The following UNC13C variants were observed in gnomAD, a reference collection of about 807,000 sequenced individuals.
UNC13C encodes unc-13 homolog C.
In UNC13C, 174 loss-of-function variants were observed where a neutral mutation model predicts 245.4. The ratio of observed to expected loss-of-function variants is 0.71; its 90% CI spans 0.63 to 0.80. UNC13C has a LOEUF of 0.80. Ranked by LOEUF, UNC13C falls within the 30% of genes least tolerant of loss-of-function variation. The pLI is 0.00. For synonymous variants in UNC13C, 992 were observed against 895.1 expected (o/e 1.11, Z -1.93); for missense variants, 2,829 against 2,602.9 (o/e 1.09, Z -1.89).
intron 19 of UNC13C, among the ~76,000 whole-genome samples, chr15:54,462,366 C>A (rs1891894281): frequency 6.6e-6 from 1 of 152,224 alleles, no homozygotes; most frequent in Non-Finnish European, 1.5e-5. Context: ...GCTTGAGGAG[C>A]CCTTCAGCCC....
downstream of UNC13C, chr15:54,632,250 G>T (rs1037632968): frequency 2.0e-5 from 3 of 152,130 alleles, no homozygotes; most frequent in African/African-American, 7.2e-5. Flanking sequence ...GATATGAAAT[G>T]TGCAACTATT....
chr15:54,271,304 A>C (rs1373234612), intron 10 of UNC13C, among the ~76,000 whole-genome samples: 2 of 152,208 alleles, frequency 1.3e-5, no homozygotes, highest in Non-Finnish European at 2.9e-5. Context: ...AAAATGATAA[A>C]GTGTCATATA....
Position 54,609,383 on chromosome 15 carries a change from A to G in UNC13C, c.6107-12944A>G, listed in dbSNP as rs569222740. 7 of 152,316 alleles carry G rather than the reference A, an allele frequency of 4.6e-5. No homozygotes were observed. In the East Asian group the frequency reaches 7.7e-4, roughly 17 times the overall value. 9.4% of individuals were successfully genotyped at this position (152,316 alleles called of 1,614,324 possible). ...TGCTCACAAATTCAGCAATTTGTTC[A>G]TGATAGCTGCTTGGCGGGGTGGATA... is the stretch of plus-strand genomic sequence containing the variant. On this transcript the variant is annotated intron_variant, in intron 30 of 32. Coordinates refer to ENST00000260323, the MANE Select transcript of UNC13C (RefSeq NM_001080534.3).
chr15:54,171,319 A>G (rs1189140404), intron 4 of UNC13C, among the ~76,000 whole-genome samples: 1 of 152,150 alleles, frequency 6.6e-6, no homozygotes, highest in Non-Finnish European at 1.5e-5. Context: ...GAGACAATCC[A>G]CAGAATGGGA....
chr15:54,080,134 A>G (rs1043040298), intron 2 of UNC13C, among the ~76,000 whole-genome samples: 2 of 151,786 alleles, frequency 1.3e-5, no homozygotes, highest in African/African-American at 4.8e-5. Context: ...ATTGATTTAC[A>G]TATGTTGAAT....
chr15:54,570,622 C>T (rs1244304605), intron 30 of UNC13C, among the ~76,000 whole-genome samples: 4 of 152,108 alleles, frequency 2.6e-5, no homozygotes, highest in Non-Finnish European at 5.9e-5. Context: ...CTATCACAAT[C>T]CCATCTCAAT....
chr15:54,129,780 T>A (rs533577570), intron 2 of UNC13C, among the ~76,000 whole-genome samples: 15 of 151,642 alleles, frequency 9.9e-5, no homozygotes, highest in Non-Finnish European at 2.1e-4. Flanking sequence ...ATTGTTTATA[T>A]GTACATTCTA....
chr15:54,147,764 T>C (rs894614181), intron 4 of UNC13C, among the ~76,000 whole-genome samples: 1 of 110,830 alleles, frequency 9.0e-6, no homozygotes, highest in Non-Finnish European at 2.1e-5. Context: ...GTGGTTGAAT[T>C]ATAAGAAGCA....
At chr15:54,168,918 T>C (rs2033283657) in intron 4 of UNC13C, among the ~76,000 whole-genome samples, 1 of 152,116 alleles carries the variant, frequency 6.6e-6, no homozygotes, top group Non-Finnish European at 1.5e-5. Flanking sequence ...CAAGAATCAA[T>C]AAAAGTGATT....
chr15:54,154,386 T>C (rs549886502), intron 4 of UNC13C, among the ~76,000 whole-genome samples: 2 of 152,272 alleles, frequency 1.3e-5, no homozygotes, highest in South Asian at 4.1e-4. Context: ...ACTTATACAA[T>C]TTAAGGGTGA....
At position 54,220,280 on chromosome 15, in the gene UNC13C, G is replaced by A. The variant is rs1409342571; in HGVS notation, c.3072-14750G>A. On this transcript the variant is annotated intron_variant, in intron 4 of 32. Transcript: ENST00000260323. ...ACTATGCAGCCATAAAAAATGATGA[G>A]TTCATGTCCTTTGTAGGGACATGGA... 1.1e-4 allele frequency among the ~76,000 whole-genome samples: 17 copies of A among 150,390 alleles called. No individual in the cohort carries two copies. In the South Asian group the frequency reaches 3.6e-3, roughly 32 times the overall value.
intron 19 of UNC13C, among the ~76,000 whole-genome samples, chr15:54,468,662 A>T (rs534000680): frequency 6.6e-6 from 1 of 151,682 alleles, no homozygotes; most frequent in African/African-American, 2.4e-5. Context: ...ATTCTTTTGC[A>T]TGTGGCTATC....
At chr15:54,410,485 G>A (rs2040394289) in intron 18 of UNC13C, among the ~76,000 whole-genome samples, 1 of 151,618 alleles carries the variant, frequency 6.6e-6, no homozygotes, top group African/African-American at 2.4e-5. Context: ...GTTCTTCTGG[G>A]TTCTTATAGT....
At chr15:54,331,792 T>C (rs888688024) in intron 14 of UNC13C, among the ~76,000 whole-genome samples, 3 of 152,102 alleles carry the variant, frequency 2.0e-5, no homozygotes, top group African/African-American at 7.2e-5. Flanking sequence ...GATACTTTGT[T>C]AGAACAGTTA....
rs749436793 is a variant in UNC13C, at chr15:54,088,119, T to A, written c.2984-54899T>A. Among the ~76,000 whole-genome samples the A allele has an allele frequency of 2.0e-5, 3 of 151,828 alleles. No homozygotes were observed. The South Asian group carries it at 6.2e-4, about 32-fold the overall frequency. On this transcript the variant is annotated intron_variant, in intron 2 of 32. Coordinates refer to ENST00000260323, the MANE Select transcript of UNC13C (RefSeq NM_001080534.3). ...AAATTCCTATTAAAATTGCCTCCTA[T>A]ATTTTTTGTATCAACTGAATAGTCC...
chr15:53,838,482 T>C, the UNC13C span, among the ~76,000 whole-genome samples: 40,820 of 151,964 alleles, frequency 0.27, 6,496 homozygotes, highest in Non-Finnish European at 0.35. Flanking sequence ...TAACTTTTCC[T>C]ATGAATAGAT....
At chr15:54,433,003 G>A (rs1169386803) in intron 19 of UNC13C, among the ~76,000 whole-genome samples, 1 of 151,922 alleles carries the variant, frequency 6.6e-6, no homozygotes, top group Non-Finnish European at 1.5e-5. Flanking sequence ...AGAAGAAATG[G>A]ATAAATTCAT....
At chr15:53,863,223 C>T in the UNC13C span, among the ~76,000 whole-genome samples, 1 of 152,154 alleles carries the variant, frequency 6.6e-6, no homozygotes, top group African/African-American at 2.4e-5. Flanking sequence ...CAAATTCTAT[C>T]AGATCTTAAG....
At chr15:54,216,172 C>G (rs2035033248) in intron 4 of UNC13C, among the ~76,000 whole-genome samples, 1 of 151,972 alleles carries the variant, frequency 6.6e-6, no homozygotes, top group South Asian at 2.1e-4. Flanking sequence ...AAGGACAGGA[C>G]TGCAGCGAAA....
Sources: allele counts gnomAD v4.1 joint callset (sites outside exome capture counted in the v4.1 genomes callset), GRCh38; gene constraint gnomAD v4.1.1; transcripts MANE v1.5; gene names NCBI Gene and HGNC (gene_info 2026-07-23, HGNC 2026-07-21).